The following REDIC1 variants were observed in gnomAD, a reference collection of about 807,000 sequenced individuals.
The protein encoded by REDIC1 is HEI10 Interacting Protein 1.
chr12:39,727,253 A>G, the REDIC1 span, among the ~76,000 whole-genome samples: 2 of 152,120 alleles, frequency 1.3e-5, no homozygotes, highest in African/African-American at 2.4e-5. Context: ...GGTATTGCCT[A>G]GGTTTTCTTC....
chr12:39,898,258 C>T, the REDIC1 span, among the ~76,000 whole-genome samples: 2 of 151,998 alleles, frequency 1.3e-5, no homozygotes, highest in Non-Finnish European at 1.5e-5. Context: ...CAGAAAAGAA[C>T]CAATGAAAAG....
the REDIC1 span, among the ~76,000 whole-genome samples, chr12:39,688,728 G>A: frequency 6.6e-6 from 1 of 152,150 alleles, no homozygotes; most frequent in Admixed American, 6.5e-5. Context: ...AATAATGAGA[G>A]CTTGAAGTTT....
chr12:39,635,245 A>G, the REDIC1 span, among the ~76,000 whole-genome samples: 1 of 152,164 alleles, frequency 6.6e-6, no homozygotes, highest in Non-Finnish European at 1.5e-5. Flanking sequence ...CGATTCCTCA[A>G]GGATCTAGAA....
chr12:39,809,003 T>C, the REDIC1 span, among the ~76,000 whole-genome samples: 21 of 152,114 alleles, frequency 1.4e-4, no homozygotes, highest in Non-Finnish European at 1.5e-5. Flanking sequence ...CGCAAAGATT[T>C]CCTCCTATGT....
the REDIC1 span, among the ~76,000 whole-genome samples, chr12:39,769,212 T>C: frequency 6.0e-4 from 91 of 152,272 alleles, no homozygotes; most frequent in African/African-American, 2.0e-3. Context: ...TTCCATAAAC[T>C]TTTGTCAACT....
At chr12:39,884,401 CTA>C in the REDIC1 span, among the ~76,000 whole-genome samples, 4 of 152,206 alleles carry the variant, frequency 2.6e-5, no homozygotes, top group African/African-American at 9.6e-5. Flanking sequence ...TTAAATTAAT[CTA>C]TGTCCTTTAC....
the REDIC1 span, among the ~76,000 whole-genome samples, chr12:39,677,582 A>T: frequency 6.6e-6 from 1 of 152,204 alleles, no homozygotes; most frequent in Non-Finnish European, 1.5e-5. Context: ...GTACCCTAGA[A>T]CAAATGCACT....
chr12:39,852,255 C>A, the REDIC1 span, among the ~76,000 whole-genome samples: 1 of 152,208 alleles, frequency 6.6e-6, no homozygotes, highest in African/African-American at 2.4e-5. Flanking sequence ...GGACCCGTCT[C>A]TGGTATTGTT....
chr12:39,734,734 A>G, the REDIC1 span, among the ~76,000 whole-genome samples: 4 of 152,186 alleles, frequency 2.6e-5, no homozygotes, highest in Admixed American at 2.0e-4. Context: ...TGATCTATAT[A>G]TCTCTTCTTA....
chr12:39,760,393 C>T, the REDIC1 span: 1 of 653,352 alleles, frequency 1.5e-6, no homozygotes, highest in Non-Finnish European at 2.6e-6. Flanking sequence ...TTACTATGAA[C>T]CTGGTTTACT....
At chr12:39,632,375 G>A in the REDIC1 span, among the ~76,000 whole-genome samples, 1 of 152,118 alleles carries the variant, frequency 6.6e-6, no homozygotes. Context: ...TGGGATTATA[G>A]GCATGAGCCA....
chr12:39,643,343 CT>C, the REDIC1 span, among the ~76,000 whole-genome samples: 1 of 150,014 alleles, frequency 6.7e-6, no homozygotes, highest in African/African-American at 2.5e-5. Context: ...TTGCACATAG[CT>C]TTTTTTTTCT....
At chr12:39,644,922 A>C in the REDIC1 span, among the ~76,000 whole-genome samples, 2 of 151,964 alleles carry the variant, frequency 1.3e-5, no homozygotes, top group African/African-American at 4.8e-5. Flanking sequence ...GAAATGGCTA[A>C]ACTTGTGTAT....
the REDIC1 span, among the ~76,000 whole-genome samples, chr12:39,653,591 C>CTTTTT: frequency 2.9e-5 from 3 of 104,884 alleles, no homozygotes; most frequent in South Asian, 2.8e-4. Context: ...TCTTCTTCTT[C>CTTTTT]CTCTTCTTCT....
the REDIC1 span, among the ~76,000 whole-genome samples, chr12:39,742,096 G>A: frequency 3.1e-4 from 47 of 152,164 alleles, no homozygotes; most frequent in Non-Finnish European, 5.1e-4. Flanking sequence ...ATCCCTTACC[G>A]TCATGGCTGA....
chr12:39,658,373 C>A, the REDIC1 span, among the ~76,000 whole-genome samples: 2 of 152,182 alleles, frequency 1.3e-5, no homozygotes, highest in Non-Finnish European at 1.5e-5. Flanking sequence ...GCTTGAGACA[C>A]CATGCCCAGC....
the REDIC1 span, among the ~76,000 whole-genome samples, chr12:39,848,734 T>C: frequency 6.6e-6 from 1 of 152,154 alleles, no homozygotes; most frequent in Non-Finnish European, 1.5e-5. Flanking sequence ...ATGTTCATTG[T>C]ACCACTATCC....
At chr12:39,828,316 A>AT in the REDIC1 span, among the ~76,000 whole-genome samples, 148 of 148,660 alleles carry the variant, frequency 1.0e-3, no homozygotes, top group South Asian at 4.0e-3. Flanking sequence ...TGTGAACATC[A>AT]TTTTTTTTTT....
At chr12:39,878,280 A>C in the REDIC1 span, among the ~76,000 whole-genome samples, 2 of 152,232 alleles carry the variant, frequency 1.3e-5, no homozygotes, top group African/African-American at 2.4e-5. Context: ...TGACGTTGGC[A>C]CTGTGTAATG....
Sources: allele counts gnomAD v4.1 joint callset (sites outside exome capture counted in the v4.1 genomes callset), GRCh38; gene constraint gnomAD v4.1.1; transcripts MANE v1.5; gene names NCBI Gene and HGNC (gene_info 2026-07-23, HGNC 2026-07-21).